The following CSN2 variants were observed in gnomAD, a reference collection of about 807,000 sequenced individuals.
The protein encoded by CSN2 is casein beta.
CSN2 carries 27 observed loss-of-function variants against 27.3 expected under a neutral mutation model. The observed-to-expected ratio is 0.99, with a 90% CI of 0.73 to 1.36. CSN2 has a LOEUF of 1.36. Among genes scored for constraint, CSN2 ranks in the 40% most tolerant of loss-of-function variants. The probability of loss-of-function intolerance (pLI) is 0.00; values close to 1 mark genes in which losing one functional copy is unlikely to be tolerated. For synonymous variants in CSN2, 131 were observed against 94.8 expected, an observed-to-expected ratio of 1.38 and a Z score of -2.22; for missense variants, 333 against 264.5, an observed-to-expected ratio of 1.26 and a Z score of -1.80.
chr4:69,956,833 A>G (rs1262295701), intron 6 of CSN2, among the ~76,000 whole-genome samples: 1 of 152,160 alleles, frequency 6.6e-6, no homozygotes, highest in Non-Finnish European at 1.5e-5. Context: ...AGTTTCCTCT[A>G]CACAAAAAAC....
chr4:69,958,667 T>C (rs571190844), intron 5 of CSN2, among the ~76,000 whole-genome samples: 5 of 152,086 alleles, frequency 3.3e-5, no homozygotes, highest in Admixed American at 6.6e-5. Flanking sequence ...AAAACAGATA[T>C]ACCATTAGTA....
intron 6 of CSN2, among the ~76,000 whole-genome samples, chr4:69,956,862 A>G (rs1447810339): frequency 6.6e-6 from 1 of 152,098 alleles, no homozygotes; most frequent in African/African-American, 2.4e-5. Context: ...TTATATCAGA[A>G]TCTCTGGGTA....
chr4:69,965,627 T>A (rs539389434), intron 1 of CSN2, among the ~76,000 whole-genome samples, 54 bp downstream of exon 1: 19 of 151,846 alleles, frequency 1.3e-4, no homozygotes, highest in African/African-American at 4.6e-4. Flanking sequence ...CTCAAGCTAC[T>A]TTGAAATACA....
intron 1 of CSN2, among the ~76,000 whole-genome samples, chr4:69,964,548 C>T (rs993842478): frequency 1.1e-4 from 16 of 151,620 alleles, no homozygotes; most frequent in Non-Finnish European, 2.1e-4. Flanking sequence ...TTACAGAAAA[C>T]AAATATTTTT....
chr4:69,960,445 G>C (rs1723537407), intron 2 of CSN2, among the ~76,000 whole-genome samples: 1 of 150,508 alleles, frequency 6.6e-6, no homozygotes, highest in Non-Finnish European at 1.5e-5. Flanking sequence ...GGTAAAAGAA[G>C]AGTCACTTTA....
chr4:69,962,386 T>C (rs924296298), intron 1 of CSN2, among the ~76,000 whole-genome samples: 7 of 152,004 alleles, frequency 4.6e-5, no homozygotes, highest in South Asian at 2.1e-4. Flanking sequence ...CCAAAACTGA[T>C]ACCAAGACCA....
intron 1 of CSN2, 114 bp from the exon 2 acceptor site, chr4:69,961,121 A>G (rs1578145343): frequency 3.3e-6 from 2 of 604,974 alleles, no homozygotes; most frequent in East Asian, 5.6e-5. Flanking sequence ...ATATATAACA[A>G]AAATATCTGC....
chr4:69,957,977 CTGTT>C (rs1475852349), intron 5 of CSN2, among the ~76,000 whole-genome samples, 173 bp from the exon 6 acceptor site: 1 of 152,084 alleles, frequency 6.6e-6, no homozygotes, highest in South Asian at 2.1e-4. Flanking sequence ...AATGAGTAAA[CTGTT>C]TGTTGAAAAA....
intron 1 of CSN2, among the ~76,000 whole-genome samples, chr4:69,962,668 G>A (rs1578146231): frequency 6.6e-6 from 1 of 152,176 alleles, no homozygotes; most frequent in Non-Finnish European, 1.5e-5. Flanking sequence ...TCAGGACATA[G>A]GCATGGGCAA....
At chr4:69,961,260 G>A (rs1723570173) in intron 1 of CSN2, among the ~76,000 whole-genome samples, 1 of 152,068 alleles carries the variant, frequency 6.6e-6, no homozygotes. Context: ...AGATTTTTCA[G>A]CTAACAACTC....
At chr4:69,959,020 A>G (rs758882660) in intron 4 of CSN2, 29 bp downstream of exon 4, 4 of 1,489,890 alleles carry the variant, frequency 2.7e-6, no homozygotes, top group Non-Finnish European at 3.7e-6. Context: ...AATTTTGAAA[A>G]TGTGTACATT....
At position 69,957,801 on chromosome 4, in the gene CSN2, CAT is replaced by C; in HGVS notation, c.146_147del (p.Asp49GlyfsTer5). On this transcript the variant is annotated frameshift_variant and splice_region_variant, in exon 6 of 8. Coordinates refer to ENST00000353151, the MANE Select transcript of CSN2 (RefSeq NM_001891.4). LOFTEE classifies it high-confidence loss of function. The part of the protein sequence containing the change: ...VKHEDQQQGE[D>X]EHQDKIYPSF... ...GAGGGGTAGATTTTATCCTGGTGTT[CAT>C]CCTGGAAAGAAGGAAAAAGAATCTT... 1 of 1,609,092 alleles carries C rather than the reference CAT, an allele frequency of 6.2e-7. No homozygotes were observed. Among genetic ancestry groups the C allele is most frequent in the East Asian group, 2.2e-5 (1 of 44,776 alleles).
At chr4:69,961,294 C>T (rs1379065822) in intron 1 of CSN2, among the ~76,000 whole-genome samples, 1 of 151,992 alleles carries the variant, frequency 6.6e-6, no homozygotes, top group East Asian at 1.9e-4. Context: ...AAAAAAGTCC[C>T]ATTTACAGTA....
Position 69,960,941 on chromosome 4 carries a change from A to T in CSN2, c.51+4T>A, listed in dbSNP as rs774517687. On this transcript the variant is annotated splice_donor_region_variant and intron_variant, in intron 2 of 7. Coordinates refer to ENST00000353151, the MANE Select transcript of CSN2 (RefSeq NM_001891.4). Reference sequence around the variant, plus strand: ...TGTTTAGGAATTTTTTCTTGTGCACATACCTCCCTTGCAAGAGCAAGAGCC... The same window carrying T: ...TGTTTAGGAATTTTTTCTTGTGCACTTACCTCCCTTGCAAGAGCAAGAGCC... The T allele has an allele frequency of 6.2e-7, 1 of 1,612,600 alleles. No homozygotes were observed. The highest frequency in any genetic ancestry group is 8.5e-7 in the Non-Finnish European group (1 of 1,178,978).
chr4:69,961,101 A>T, intron 1 of CSN2, 94 bp from the exon 2 acceptor site: 1 of 734,762 alleles, frequency 1.4e-6, no homozygotes, highest in East Asian at 2.7e-5. Context: ...ACAAAAAAAA[A>T]AGAGAGATAA....
chr4:69,959,497 C>A (rs1023302961), intron 3 of CSN2, among the ~76,000 whole-genome samples: 1 of 152,036 alleles, frequency 6.6e-6, no homozygotes. Context: ...TATTGATGTA[C>A]CATTTACTTA....
chr4:69,958,320 C>T (rs1427834500), intron 5 of CSN2, among the ~76,000 whole-genome samples: 1 of 152,154 alleles, frequency 6.6e-6, no homozygotes, highest in African/African-American at 2.4e-5. Context: ...CAAATTCTTA[C>T]ATTCCTTCCC....
Position 69,957,678 on chromosome 4 carries a change from G to A in CSN2, c.271C>T (p.Leu91=), listed in dbSNP as rs1192837344. The A allele has an allele frequency of 5.6e-6, 9 of 1,613,900 alleles. No homozygotes were observed. Among genetic ancestry groups the A allele is most frequent in the East Asian group, 2.2e-5 (1 of 44,892 alleles). Reference sequence around the variant, plus strand: ...ATTATTTCAGGCTGAGGGACAGGCAGCACCACAGCAGGCTGAGCAAGAGGC... The same window carrying A: ...ATTATTTCAGGCTGAGGGACAGGCAACACCACAGCAGGCTGAGCAAGAGGC... ...ILPLAQPAVV[L]PVPQPEIMEV... The change falls in exon 6 of 8, where the codon CTG becomes TTG. Residue 91 remains leucine (L), a synonymous_variant. Transcript: ENST00000353151.
chr4:69,960,168 AAAT>A, intron 2 of CSN2, 89 bp from the exon 3 acceptor site: 1 of 1,224,372 alleles, frequency 8.2e-7, no homozygotes, highest in Admixed American at 1.8e-5. Flanking sequence ...TTCTCTAAAA[AAAT>A]AATCTCACCT....
Sources: allele counts gnomAD v4.1 joint callset (sites outside exome capture counted in the v4.1 genomes callset), GRCh38; gene constraint gnomAD v4.1.1; transcripts MANE v1.5; gene names NCBI Gene and HGNC (gene_info 2026-07-23, HGNC 2026-07-21).